Variants in RNLS observed in about 807,000 individuals in gnomAD.
RNLS encodes renalase, FAD dependent amine oxidase, also known as renalase.
RNLS carries 39 observed loss-of-function variants against 39.8 expected under a neutral mutation model. The observed-to-expected ratio is 0.98, with a 90% CI of 0.76 to 1.28. The LOEUF (loss-of-function observed/expected upper bound fraction) is 1.28, where lower values mean the gene tolerates loss of function less well. Ranked by LOEUF, RNLS falls within the 50% of genes most tolerant of loss-of-function variation. The probability of loss-of-function intolerance (pLI) is 0.00; values close to 1 mark genes in which losing one functional copy is unlikely to be tolerated. For synonymous variants in RNLS, 147 were observed against 150.7 expected (o/e 0.98, Z 0.18); for missense variants, 410 against 413.3 (o/e 0.99, Z 0.07).
intron 4 of RNLS, among the ~76,000 whole-genome samples, chr10:88,490,386 C>T (rs1844813339): frequency 6.6e-6 from 1 of 152,096 alleles, no homozygotes; most frequent in Non-Finnish European, 1.5e-5. Flanking sequence ...TACCTCTGAA[C>T]TTTTTAAGCT....
At chr10:88,504,301 A>G (rs1026221775) in intron 4 of RNLS, among the ~76,000 whole-genome samples, 4 of 151,986 alleles carry the variant, frequency 2.6e-5, no homozygotes, top group African/African-American at 9.7e-5. Context: ...AAGAAGGAAG[A>G]TCTTTATGAG....
At chr10:88,470,034 A>T (rs1174763540) in intron 4 of RNLS, among the ~76,000 whole-genome samples, 1 of 152,056 alleles carries the variant, frequency 6.6e-6, no homozygotes, top group East Asian at 1.9e-4. Context: ...CTTTATTTTC[A>T]TAAATGAATT....
chr10:88,392,447 C>A (rs1852264574), intron 4 of RNLS, among the ~76,000 whole-genome samples: 1 of 152,168 alleles, frequency 6.6e-6, no homozygotes, highest in Admixed American at 6.6e-5. Context: ...TTTCATACTG[C>A]CTGCTGGAGT....
chr10:88,346,782 CAAGAT>C (rs1848337408), intron 5 of RNLS, among the ~76,000 whole-genome samples: 1 of 152,142 alleles, frequency 6.6e-6, no homozygotes, highest in South Asian at 2.1e-4. Flanking sequence ...CAATCTTGAT[CAAGAT>C]AAGAAGTATC....
intron 4 of RNLS, among the ~76,000 whole-genome samples, chr10:88,543,848 T>C (rs1206639778): frequency 7.2e-5 from 11 of 152,200 alleles, no homozygotes. Flanking sequence ...ATATATATTA[T>C]TTGCTTTGTT....
intron 5 of RNLS, among the ~76,000 whole-genome samples, chr10:88,332,571 T>C (rs1273863498): frequency 6.6e-6 from 1 of 152,232 alleles, no homozygotes; most frequent in Non-Finnish European, 1.5e-5. Flanking sequence ...TTTGGGAGAC[T>C]TAAGGATTAT....
the RNLS span, among the ~76,000 whole-genome samples, chr10:88,229,130 G>C: frequency 2.0e-5 from 3 of 151,972 alleles, no homozygotes; most frequent in Admixed American, 1.3e-4. Flanking sequence ...AATTCATAAG[G>C]TCTAAAAATA....
intron 4 of RNLS, among the ~76,000 whole-genome samples, chr10:88,504,690 ACT>A (rs1477279949): frequency 6.6e-6 from 1 of 152,134 alleles, no homozygotes; most frequent in Non-Finnish European, 1.5e-5. Context: ...TGCATTCAGC[ACT>A]CAGACTGTAT....
At chr10:88,287,120 A>C (rs1365844154) in intron 6 of RNLS, among the ~76,000 whole-genome samples, 5 of 152,052 alleles carry the variant, frequency 3.3e-5, no homozygotes, top group Admixed American at 2.6e-4. Flanking sequence ...AAAGCAGAAA[A>C]AGTTTGCCAT....
intron 4 of RNLS, among the ~76,000 whole-genome samples, chr10:88,429,052 G>C (rs1330150987): frequency 6.6e-6 from 1 of 151,728 alleles, no homozygotes; most frequent in African/African-American, 2.4e-5. Context: ...CATCTAGTAA[G>C]AACTGACTTA....
At chr10:88,561,935 C>A (rs1294506156) in intron 4 of RNLS, among the ~76,000 whole-genome samples, 1 of 152,092 alleles carries the variant, frequency 6.6e-6, no homozygotes, top group East Asian at 1.9e-4. Context: ...AAAAGAGGCT[C>A]AATTTTACTT....
At chr10:88,393,907 A>G (rs1852379066) in intron 4 of RNLS, among the ~76,000 whole-genome samples, 1 of 152,204 alleles carries the variant, frequency 6.6e-6, no homozygotes, top group African/African-American at 2.4e-5. Flanking sequence ...CAACTATCTG[A>G]TCTTTGACAA....
intron 3 of RNLS, among the ~76,000 whole-genome samples, chr10:88,573,288 T>C (rs1325905): frequency 6.6e-6 from 1 of 151,924 alleles, no homozygotes; most frequent in African/African-American, 2.4e-5. Context: ...CAAAAACTAC[T>C]CCTACAATTA....
chr10:88,485,584 CTCT>C (rs1018033128), intron 4 of RNLS, among the ~76,000 whole-genome samples: 13 of 148,216 alleles, frequency 8.8e-5, no homozygotes, highest in African/African-American at 3.2e-4. Flanking sequence ...TACCAGATCA[CTCT>C]TCTTTTTAGT....
At chr10:88,385,110 C>T (rs1250477182) in intron 4 of RNLS, among the ~76,000 whole-genome samples, 1 of 152,216 alleles carries the variant, frequency 6.6e-6, no homozygotes, top group African/African-American at 2.4e-5. Context: ...TAAGAATGAG[C>T]TCAGCAAATG....
the RNLS span, among the ~76,000 whole-genome samples, chr10:88,190,844 G>T: frequency 6.6e-6 from 1 of 152,148 alleles, no homozygotes; most frequent in Non-Finnish European, 1.5e-5. Context: ...AACTGATTCA[G>T]CCATGTCTGC....
chr10:88,284,224 G>A lies in RNLS; in HGVS notation c.*1130C>T. 1 of 985,306 alleles carries A rather than the reference G, an allele frequency of 1.0e-6. No homozygotes were observed. Among genetic ancestry groups the A allele is most frequent in the Non-Finnish European group, 1.2e-6 (1 of 829,846 alleles). The allele number at this position is 985,306 out of a possible 1,614,324, so 61.0% of individuals were successfully genotyped here. ...TCTGCCTGTGCCTGTGTATGTGTAT[G>A]TATGACAGTGGACATGTAAGTGTGA... On this transcript the variant is annotated 3_prime_UTR_variant, in exon 7 of 7. Coordinates refer to ENST00000331772, the MANE Select transcript of RNLS (RefSeq NM_001031709.3).
chr10:88,435,755 G>A (rs1211980979), intron 4 of RNLS, among the ~76,000 whole-genome samples: 5 of 152,006 alleles, frequency 3.3e-5, no homozygotes, highest in Non-Finnish European at 7.4e-5. Context: ...TCTGCTGAGA[G>A]GATTAAAGAA....
chr10:88,328,426 T>C (rs1449799739), intron 5 of RNLS, among the ~76,000 whole-genome samples: 1 of 152,216 alleles, frequency 6.6e-6, no homozygotes, highest in Non-Finnish European at 1.5e-5. Context: ...TAACAATACA[T>C]TGTGAACCTC....
Sources: allele counts gnomAD v4.1 joint callset (sites outside exome capture counted in the v4.1 genomes callset), GRCh38; gene constraint gnomAD v4.1.1; transcripts MANE v1.5; gene names NCBI Gene and HGNC (gene_info 2026-07-23, HGNC 2026-07-21).